Variants in TMEM108 observed in about 807,000 individuals in gnomAD.
TMEM108 encodes cancer/testis antigen 124.
TMEM108 carries 12 observed loss-of-function variants against 35.1 expected under a neutral mutation model. The ratio of observed to expected loss-of-function variants is 0.34; its 90% CI spans 0.22 to 0.55. The LOEUF (loss-of-function observed/expected upper bound fraction) is 0.55, where lower values mean the gene tolerates loss of function less well. Among genes scored for constraint, TMEM108 ranks in the 20% least tolerant of loss-of-function variants. The pLI, the probability that TMEM108 is intolerant of heterozygous loss-of-function variation, is 0.89. For synonymous variants in TMEM108, 287 were observed against 308.6 expected, an observed-to-expected ratio of 0.93 and a Z score of 0.73; for missense variants, 680 against 753.3, an observed-to-expected ratio of 0.90 and a Z score of 1.14.
chr3:133,154,043 T>C (rs994198783), intron 2 of TMEM108, among the ~76,000 whole-genome samples: 2 of 152,152 alleles, frequency 1.3e-5, no homozygotes, highest in African/African-American at 4.8e-5. Context: ...TTTTCGTTTT[T>C]TAAAAAAAAA....
intron 2 of TMEM108, among the ~76,000 whole-genome samples, chr3:133,213,980 G>A (rs1945869367): frequency 6.6e-6 from 1 of 152,120 alleles, no homozygotes; most frequent in Non-Finnish European, 1.5e-5. Context: ...GGGGCTATTT[G>A]GGGAATGGCC....
chr3:133,392,883 C>G (rs1045634875), intron 5 of TMEM108, among the ~76,000 whole-genome samples: 2 of 152,214 alleles, frequency 1.3e-5, no homozygotes, highest in Non-Finnish European at 2.9e-5. Flanking sequence ...TACCATCTTG[C>G]CTTCTGCAGT....
intron 2 of TMEM108, among the ~76,000 whole-genome samples, chr3:133,222,953 T>C (rs141373136): frequency 4.1e-4 from 62 of 152,254 alleles, no homozygotes; most frequent in Middle Eastern, 3.4e-3. Flanking sequence ...CTCAAGAAGC[T>C]GGGACCATAG....
At chr3:133,330,312 G>A (rs933451770) in intron 3 of TMEM108, among the ~76,000 whole-genome samples, 4 of 152,156 alleles carry the variant, frequency 2.6e-5, no homozygotes, top group Non-Finnish European at 5.9e-5. Flanking sequence ...GCAAAGAGGT[G>A]GAGAGGAAGC....
At chr3:133,349,472 C>T (rs2071925447) in intron 3 of TMEM108, among the ~76,000 whole-genome samples, 1 of 152,008 alleles carries the variant, frequency 6.6e-6, no homozygotes. Flanking sequence ...AACTAATAAA[C>T]ATTTGCACAG....
chr3:133,095,863 T>C (rs1233549001), intron 2 of TMEM108, among the ~76,000 whole-genome samples: 1 of 152,162 alleles, frequency 6.6e-6, no homozygotes, highest in Non-Finnish European at 1.5e-5. Flanking sequence ...CACAGACCAG[T>C]ATCAGTCCAT....
At chr3:133,289,992 T>C (rs779181576) in intron 3 of TMEM108, among the ~76,000 whole-genome samples, 30 of 152,234 alleles carry the variant, frequency 2.0e-4, no homozygotes, top group Non-Finnish European at 2.9e-4. Flanking sequence ...CCAAGCACTG[T>C]GCAGATGGGG....
rs77189602 is a variant in TMEM108 at position 133,313,011 on chromosome 3, A to T, written c.41-66741A>T. Among the ~76,000 whole-genome samples the T allele has an allele frequency of 7.8e-3, 1,186 of 152,252 alleles. 19 individuals are homozygous for T. Among genetic ancestry groups the T allele is most frequent in the African/African-American group, 0.027 (1,126 of 41,534 alleles). On this transcript the variant is annotated intron_variant, in intron 3 of 5. Coordinates refer to ENST00000321871, the MANE Select transcript of TMEM108 (RefSeq NM_023943.4). ...CTATTATCAATATTCTAATTTTATCAATCAGTATGTGCTTTATAACATATT... is the reference window on the plus strand; with the variant it reads ...CTATTATCAATATTCTAATTTTATCTATCAGTATGTGCTTTATAACATATT...
intron 2 of TMEM108, among the ~76,000 whole-genome samples, chr3:133,153,236 A>G (rs1021164932): frequency 5.9e-5 from 9 of 152,114 alleles, no homozygotes. Context: ...CAAATGCCTT[A>G]AATTTCTTTG....
At chr3:133,350,962 G>A (rs2071979156) in intron 3 of TMEM108, among the ~76,000 whole-genome samples, 1 of 152,136 alleles carries the variant, frequency 6.6e-6, no homozygotes, top group Admixed American at 6.5e-5. Flanking sequence ...GATTCCCTAA[G>A]TTATATTACA....
At chr3:133,197,997 A>G (rs2107822780) in intron 2 of TMEM108, among the ~76,000 whole-genome samples, 1 of 152,316 alleles carries the variant, frequency 6.6e-6, no homozygotes. Flanking sequence ...ATGACATGCA[A>G]GTATCTTCAA....
chr3:133,309,147 G>T (rs1217866052), intron 3 of TMEM108, among the ~76,000 whole-genome samples: 4 of 152,140 alleles, frequency 2.6e-5, no homozygotes, highest in Non-Finnish European at 5.9e-5. Context: ...GTTTATTTGT[G>T]TAGAGGTGTT....
chr3:133,151,599 A>G (rs1944802165), intron 2 of TMEM108, among the ~76,000 whole-genome samples: 2 of 152,184 alleles, frequency 1.3e-5, no homozygotes, highest in South Asian at 4.1e-4. Flanking sequence ...AATCATTGAC[A>G]TTAAACTAGG....
chr3:133,279,228 C>G (rs1946879400), intron 3 of TMEM108, among the ~76,000 whole-genome samples: 1 of 152,244 alleles, frequency 6.6e-6, no homozygotes, highest in East Asian at 1.9e-4. Flanking sequence ...ATCCTCTGTT[C>G]TACCTCCCCA....
At chr3:133,328,001 A>G (rs2071351113) in intron 3 of TMEM108, among the ~76,000 whole-genome samples, 1 of 151,808 alleles carries the variant, frequency 6.6e-6, no homozygotes, top group Non-Finnish European at 1.5e-5. Context: ...TTCTAATACC[A>G]CCTTTGTTGT....
At chr3:133,061,666 CCCTATAAAA>C (rs1268658438) in intron 2 of TMEM108, among the ~76,000 whole-genome samples, 2 of 152,056 alleles carry the variant, frequency 1.3e-5, no homozygotes, top group Non-Finnish European at 2.9e-5. Flanking sequence ...ACTGTATATG[CCCTATAAAA>C]CTAGGGGATA....
chr3:133,197,351 G>A (rs910823073), intron 2 of TMEM108, among the ~76,000 whole-genome samples: 1 of 152,110 alleles, frequency 6.6e-6, no homozygotes, highest in African/African-American at 2.4e-5. Flanking sequence ...CGGTTTATTT[G>A]GGAGGTGATA....
At chr3:133,103,794 G>T (rs928387309) in intron 2 of TMEM108, among the ~76,000 whole-genome samples, 1 of 152,168 alleles carries the variant, frequency 6.6e-6, no homozygotes, top group East Asian at 1.9e-4. Flanking sequence ...TGAGCATGAA[G>T]ACTGGAGGTC....
chr3:133,196,831 G>A (rs1945585192), intron 2 of TMEM108, among the ~76,000 whole-genome samples: 1 of 152,170 alleles, frequency 6.6e-6, no homozygotes, highest in South Asian at 2.1e-4. Flanking sequence ...ATTCTTCCAG[G>A]TGGGAAGAGA....
Sources: gnomAD v4.1 joint callset for allele counts (sites outside exome capture counted in the v4.1 genomes callset) on GRCh38, gnomAD v4.1.1 for gene constraint, MANE v1.5 for transcripts, NCBI Gene and HGNC (gene_info 2026-07-23, HGNC 2026-07-21) for gene names.